The following KCNAB2 variants were observed in gnomAD, a reference collection of about 807,000 sequenced individuals.
The protein encoded by KCNAB2 is potassium voltage-gated channel subfamily A regulatory beta subunit 2, also known as voltage-gated potassium channel subunit beta-2.
In KCNAB2, 29 loss-of-function variants were observed where a neutral mutation model predicts 63.6. That is an observed-to-expected ratio of 0.46 (90% CI 0.34 to 0.62). The LOEUF (loss-of-function observed/expected upper bound fraction) is 0.62, where lower values mean the gene tolerates loss of function less well. Ranked by LOEUF, KCNAB2 falls within the 20% of genes least tolerant of loss-of-function variation. The pLI is 0.01. For missense variants in KCNAB2, 359 were observed against 563.9 expected, an observed-to-expected ratio of 0.64 and a Z score of 3.68; for synonymous variants, 222 against 224.2, an observed-to-expected ratio of 0.99 and a Z score of 0.09.
intron 15 of KCNAB2, 72 bp downstream of exon 15, chr1:6,097,429 C>T (rs1254194893): frequency 1.9e-6 from 3 of 1,546,210 alleles, no homozygotes; most frequent in Non-Finnish European, 2.6e-6. Flanking sequence ...TCCTCCCAGG[C>T]TCGTCCTGCG....
chr1:6,095,864 T>A (rs1413306918), intron 13 of KCNAB2, among the ~76,000 whole-genome samples: 1 of 83,360 alleles, frequency 1.2e-5, no homozygotes, highest in Non-Finnish European at 2.6e-5. Context: ...CCCTTTCACA[T>A]CCCCCCCCCT....
chr1:6,098,275 T>G, intron 15 of KCNAB2: 2 of 1,373,100 alleles, frequency 1.5e-6, no homozygotes, highest in Non-Finnish European at 1.9e-6. Flanking sequence ...TGAGAGGGAG[T>G]GCACAGACCC....
Position 6,073,612 on chromosome 1 carries a change from G to C in KCNAB2, c.263-121G>C. On this transcript the variant is annotated intron_variant, in intron 3 of 15. Coordinates refer to ENST00000378083, the MANE Select transcript of KCNAB2 (RefSeq NM_001199862.2). This position sits in a 1 kb window ranked among gnomAD's most constrained non-coding sequence, Gnocchi z 5.7. Reference sequence around the variant, plus strand: ...ACACACTAAGGACACCCTGGCCACAGAGCAGCACAGAGGGACACCTGTGGC... The same window carrying C: ...ACACACTAAGGACACCCTGGCCACACAGCAGCACAGAGGGACACCTGTGGC... 1 of 878,552 alleles carries C rather than the reference G, an allele frequency of 1.1e-6. No homozygotes were observed. The highest frequency in any genetic ancestry group is 1.4e-5 in the South Asian group (1 of 73,336). The allele number at this position is 878,552 out of a possible 1,614,324, so 54.4% of individuals were successfully genotyped here.
At chr1:6,085,330 G>A (rs1213169866) in intron 6 of KCNAB2, 82 bp downstream of exon 6, 3 of 1,299,222 alleles carry the variant, frequency 2.3e-6, no homozygotes, top group Non-Finnish European at 3.3e-6. Context: ...GGCCTGTCGT[G>A]CAGTGTCGTA....
At chr1:5,997,035 G>A (rs1056091556) in intron 1 of KCNAB2, among the ~76,000 whole-genome samples, 6 of 152,150 alleles carry the variant, frequency 3.9e-5, no homozygotes, top group Admixed American at 1.3e-4. Context: ...CGGATCATTC[G>A]TGTCTCCCTC....
intron 1 of KCNAB2, 51 bp downstream of exon 1, chr1:6,046,234 G>A (rs183984580): frequency 1.0e-6 from 1 of 977,482 alleles, no homozygotes; most frequent in Non-Finnish European, 1.2e-6. Flanking sequence ...CCGCTTGGGG[G>A]CACGCATCCG....
rs1328762742 is a variant in KCNAB2 at position 6,003,018 on chromosome 1, A to G, written c.-53+10230A>G. 6.6e-6 allele frequency among the ~76,000 whole-genome samples: 1 copy of G among 152,192 alleles called. No homozygotes were observed. Among genetic ancestry groups the G allele is most frequent in the Non-Finnish European group, 1.5e-5 (1 of 68,014 alleles). On this transcript the variant is annotated intron_variant, in intron 1 of 16. Transcript: ENST00000341524. This position sits in a 1 kb window ranked among gnomAD's most constrained non-coding sequence, Gnocchi z 4.1. ...GAGAACAGGTCCTAGACCTTGTCTCAGGTCACACAGCTACCAGAGGACAGA... is the reference window on the plus strand; with the variant it reads ...GAGAACAGGTCCTAGACCTTGTCTCGGGTCACACAGCTACCAGAGGACAGA...
At chr1:6,029,213 G>C (rs770023520) in intron 1 of KCNAB2, among the ~76,000 whole-genome samples, 2 of 151,004 alleles carry the variant, frequency 1.3e-5, no homozygotes, top group Non-Finnish European at 2.9e-5. Flanking sequence ...AACCCAGGAG[G>C]CAGAGGCTGC....
At chr1:6,093,385 C>A (rs747508460) in intron 10 of KCNAB2, among the ~76,000 whole-genome samples, 2 of 152,246 alleles carry the variant, frequency 1.3e-5, no homozygotes, top group Non-Finnish European at 2.9e-5. Flanking sequence ...GAAATTTCGA[C>A]GCCAAGTTCT....
intron 1 of KCNAB2, among the ~76,000 whole-genome samples, chr1:5,993,360 A>C: frequency 6.9e-6 from 1 of 145,348 alleles, no homozygotes; most frequent in South Asian, 2.2e-4. Flanking sequence ...TCACCACCTT[A>C]CCCTGCTCCC....
intron 1 of KCNAB2, among the ~76,000 whole-genome samples, chr1:5,993,117 C>A (rs1294092431): frequency 6.6e-6 from 1 of 151,100 alleles, no homozygotes; most frequent in East Asian, 2.0e-4. Context: ...CTGCCCGCTC[C>A]GGTCCTAGCA....
rs139384960 is a variant in KCNAB2 at position 6,059,848 on chromosome 1, G to C, written c.218+8094G>C. 3.0e-3 allele frequency among the ~76,000 whole-genome samples: 462 copies of C among 152,234 alleles called. 1 individual carries two copies. The highest frequency in any genetic ancestry group is 0.01 in the African/African-American group (419 of 41,554). ...AGGAGGAACTGGCTTTGCAGACCGT[G>C]CAAAGCCGGTTCCCGGGAAGCACAC... On this transcript the variant is annotated intron_variant, in intron 2 of 15. Coordinates refer to ENST00000378083, the MANE Select transcript of KCNAB2 (RefSeq NM_001199862.2).
chr1:6,055,250 A>G (rs1191942098), intron 2 of KCNAB2, among the ~76,000 whole-genome samples: 2 of 152,174 alleles, frequency 1.3e-5, no homozygotes, highest in African/African-American at 4.8e-5. Context: ...GCCCCGAGGA[A>G]AATGCCTGAG....
chr1:6,001,690 C>T (rs185693002), intron 1 of KCNAB2, among the ~76,000 whole-genome samples: 5 of 152,228 alleles, frequency 3.3e-5, no homozygotes, highest in Admixed American at 1.3e-4. Context: ...CCAGGCTTGG[C>T]GGAATTCCTG....
At chr1:6,083,770 G>A (rs74049397) in intron 5 of KCNAB2, among the ~76,000 whole-genome samples, 1,717 of 152,308 alleles carry the variant, frequency 0.011, 33 homozygotes, top group African/African-American at 0.04. Context: ...GGCCAAACCC[G>A]TATCTTCCCG....
At chr1:6,060,801 G>A (rs1292473556) in intron 2 of KCNAB2, among the ~76,000 whole-genome samples, 3 of 151,624 alleles carry the variant, frequency 2.0e-5, no homozygotes, top group African/African-American at 7.3e-5. Flanking sequence ...TACTCAGGTG[G>A]CTGAGGCAGG....
chr1:6,014,815 T>G (rs1007308489), intron 1 of KCNAB2, among the ~76,000 whole-genome samples: 2 of 152,142 alleles, frequency 1.3e-5, no homozygotes, highest in Non-Finnish European at 2.9e-5. Flanking sequence ...GCAGGCAGCA[T>G]GGGAACCACT....
intron 2 of KCNAB2, among the ~76,000 whole-genome samples, chr1:6,063,774 A>G (rs1220243904): frequency 6.6e-6 from 1 of 152,008 alleles, no homozygotes; most frequent in African/African-American, 2.4e-5. Context: ...CTGTTTCTCC[A>G]TTTGTCGGTT....
chr1:6,070,768 G>T (rs1663119829), intron 2 of KCNAB2, among the ~76,000 whole-genome samples: 1 of 152,004 alleles, frequency 6.6e-6, no homozygotes, highest in Admixed American at 6.6e-5. Flanking sequence ...GAACACTGAG[G>T]CATCGGGCCA....
Sources: gnomAD v4.1 joint callset for allele counts (sites outside exome capture counted in the v4.1 genomes callset) on GRCh38, gnomAD v4.1.1 for gene constraint, Gnocchi (gnomAD v3.1) non-coding constraint, MANE v1.5 for transcripts, NCBI Gene and HGNC (gene_info 2026-07-23, HGNC 2026-07-21) for gene names.